PROCR: variants seen among roughly 807,000 people sequenced by gnomAD.
The protein encoded by PROCR is protein C receptor.
A neutral mutation model predicts 24.2 loss-of-function variants in PROCR; 22 were observed. The observed-to-expected ratio is 0.91, with a 90% CI of 0.65 to 1.30. The LOEUF is 1.30. Among genes scored for constraint, PROCR ranks in the 50% most tolerant of loss-of-function variants. The pLI is 0.00. For missense variants in PROCR, 288 were observed against 307.7 expected, an observed-to-expected ratio of 0.94 and a Z score of 0.48; for synonymous variants, 137 against 139.2, an observed-to-expected ratio of 0.98 and a Z score of 0.11.
At chr20:35,186,642 G>A (rs1340800114) in intron 1 of PROCR, among the ~76,000 whole-genome samples, 3 of 150,754 alleles carry the variant, frequency 2.0e-5, no homozygotes, top group Non-Finnish European at 3.0e-5. Flanking sequence ...TTCAACACAC[G>A]TGAAACATCC....
chr20:35,196,869 T>A (rs898223065), intron 1 of PROCR, among the ~76,000 whole-genome samples: 1 of 152,186 alleles, frequency 6.6e-6, no homozygotes, highest in Non-Finnish European at 1.5e-5. Context: ...AAAGAAAAAA[T>A]TATAACACAG....
chr20:35,205,246 T>G (rs1056799824), intron 1 of PROCR, among the ~76,000 whole-genome samples: 4 of 149,160 alleles, frequency 2.7e-5, no homozygotes, highest in African/African-American at 9.8e-5. Context: ...GTACTCCAGC[T>G]TGGGGGACAG....
intron 1 of PROCR, among the ~76,000 whole-genome samples, chr20:35,185,091 A>G (rs975525021): frequency 6.6e-6 from 1 of 151,996 alleles, no homozygotes; most frequent in African/African-American, 2.4e-5. Flanking sequence ...TGAATAGACA[A>G]TTCTCAAAAG....
intron 1 of PROCR, among the ~76,000 whole-genome samples, chr20:35,186,344 G>A (rs569942465): frequency 6.6e-6 from 1 of 152,206 alleles, no homozygotes; most frequent in African/African-American, 2.4e-5. Context: ...CAAGGCGGGT[G>A]GATCATGAGA....
chr20:35,181,338 G>T (rs1373389373), downstream of PROCR, among the ~76,000 whole-genome samples: 1 of 151,610 alleles, frequency 6.6e-6, no homozygotes, highest in Non-Finnish European at 1.5e-5. Context: ...AAAGTGGTGC[G>T]ATCTCTGCTC....
intron 2 of PROCR, among the ~76,000 whole-genome samples, 156 bp downstream of exon 2, chr20:35,175,109 TG>T (rs2085998094): frequency 2.0e-5 from 3 of 150,676 alleles, no homozygotes; most frequent in African/African-American, 7.4e-5. Flanking sequence ...TGAAGATTGC[TG>T]GGTGGGGGCT....
downstream of PROCR, among the ~76,000 whole-genome samples, chr20:35,181,400 A>G (rs6088758): frequency 0.62 from 93,608 of 151,396 alleles, 30,130 homozygotes; most frequent in African/African-American, 0.81. Context: ...TCAGCCTCCC[A>G]AGTAGCTGGG....
In PROCR at chr20:35,172,093, C is replaced by A; in HGVS notation, c.-62C>A. On this transcript the variant is annotated 5_prime_UTR_variant, in exon 1 of 4. Transcript: ENST00000216968. The stretch of plus-strand genomic sequence containing the variant: ...CCTCACTTCTCTTTTCCCTAGACTG[C>A]AGCCAGCGGAGCCCGCAGCCGGCCC... 1 of 1,519,464 alleles carries A rather than the reference C, an allele frequency of 6.6e-7. No homozygotes were observed. Among genetic ancestry groups the A allele is most frequent in the Non-Finnish European group, 9.1e-7 (1 of 1,094,306 alleles). 94.1% of individuals were successfully genotyped at this position (1,519,464 alleles called of 1,614,324 possible).
At chr20:35,176,114 C>T (rs1176802379) in intron 2 of PROCR, 54 bp from the exon 3 acceptor site, 2 of 1,579,576 alleles carry the variant, frequency 1.3e-6, no homozygotes, top group Non-Finnish European at 1.7e-6. Context: ...GGGCCTCGCC[C>T]CACACCTGGC....
At chr20:35,194,230 ACT>A (rs2086196900) in intron 1 of PROCR, among the ~76,000 whole-genome samples, 1 of 152,104 alleles carries the variant, frequency 6.6e-6, no homozygotes, top group Non-Finnish European at 1.5e-5. Context: ...ACTATAAATA[ACT>A]CTTTTGAGGA....
chr20:35,181,673 A>G (rs772690676), downstream of PROCR, among the ~76,000 whole-genome samples: 6 of 152,214 alleles, frequency 3.9e-5, no homozygotes, highest in Middle Eastern at 3.2e-3. Context: ...CAACAACAGC[A>G]ATAACAGAGA....
intron 1 of PROCR, among the ~76,000 whole-genome samples, chr20:35,209,032 T>C (rs1022651308): frequency 1.3e-5 from 2 of 152,164 alleles, no homozygotes; most frequent in Non-Finnish European, 2.9e-5. Flanking sequence ...TAAGCAGGTA[T>C]TGTCCTTGTG....
At chr20:35,207,178 C>T (rs1245293604) in intron 1 of PROCR, among the ~76,000 whole-genome samples, 1 of 151,994 alleles carries the variant, frequency 6.6e-6, no homozygotes, top group East Asian at 1.9e-4. Flanking sequence ...GTTGCCAGGG[C>T]TTAAGGGTAG....
At chr20:35,190,870 T>C (rs1260003525) in intron 1 of PROCR, among the ~76,000 whole-genome samples, 2 of 152,132 alleles carry the variant, frequency 1.3e-5, no homozygotes, top group Non-Finnish European at 2.9e-5. Flanking sequence ...AATCTTTTCT[T>C]CTTTTTTTGA....
chr20:35,177,567 C>T (rs2086034032), downstream of PROCR, among the ~76,000 whole-genome samples: 1 of 150,834 alleles, frequency 6.6e-6, no homozygotes, highest in African/African-American at 2.4e-5. Flanking sequence ...CCTGCCTCAG[C>T]CTCCCAAGCA....
chr20:35,182,308 A>G (rs1410094826), downstream of PROCR, among the ~76,000 whole-genome samples: 1 of 152,124 alleles, frequency 6.6e-6, no homozygotes, highest in Non-Finnish European at 1.5e-5. Context: ...TACATATATT[A>G]TCTTTTTTTT....
chr20:35,209,413 GA>G (rs1313101541), intron 1 of PROCR, among the ~76,000 whole-genome samples: 3 of 152,198 alleles, frequency 2.0e-5, no homozygotes, highest in Non-Finnish European at 4.4e-5. Context: ...TTAAGGTATA[GA>G]TGTGGAATAA....
At chr20:35,195,426 C>A (rs2086207137) in intron 1 of PROCR, 1 of 151,948 alleles carries the variant, frequency 6.6e-6, no homozygotes, top group Non-Finnish European at 1.5e-5. Context: ...TGTAGGCTGT[C>A]AATTAAAAAA....
At chr20:35,182,276 C>T (rs1332059088), downstream of PROCR, among the ~76,000 whole-genome samples, 1 of 152,142 alleles carries the variant, frequency 6.6e-6, no homozygotes, top group East Asian at 1.9e-4. Flanking sequence ...AGATCAGTAG[C>T]CACTGCTGTA....
Sources: gnomAD v4.1 joint callset for allele counts (sites outside exome capture counted in the v4.1 genomes callset) on GRCh38, gnomAD v4.1.1 for gene constraint, MANE v1.5 for transcripts, NCBI Gene and HGNC (gene_info 2026-07-23, HGNC 2026-07-21) for gene names.